The following SYNDIG1 variants were observed in gnomAD, a reference collection of about 807,000 sequenced individuals.
The protein encoded by SYNDIG1 is synapse differentiation-inducing gene protein 1.
SYNDIG1 carries 9 observed loss-of-function variants against 19.4 expected under a neutral mutation model. The observed-to-expected ratio is 0.46, with a 90% CI of 0.28 to 0.81. The LOEUF is 0.81. SYNDIG1 is among the 30% of genes least tolerant of loss of function. The pLI is 0.12. For synonymous variants in SYNDIG1, 141 were observed against 145.9 expected (o/e 0.97, Z 0.24); for missense variants, 311 against 343.3 (o/e 0.91, Z 0.74).
chr20:24,604,583 A>C (rs1468380138), intron 3 of SYNDIG1, among the ~76,000 whole-genome samples: 4 of 152,178 alleles, frequency 2.6e-5, no homozygotes, highest in African/African-American at 9.7e-5. Flanking sequence ...CAAAAAGGGG[A>C]GGGACCCTCA....
At chr20:24,545,542 G>C (rs1344193679) in intron 2 of SYNDIG1, among the ~76,000 whole-genome samples, 1 of 152,142 alleles carries the variant, frequency 6.6e-6, no homozygotes, top group Non-Finnish European at 1.5e-5. Flanking sequence ...AGGGTCTGGG[G>C]CCCTGAGCTC....
chr20:24,470,380 A>G (rs1239022671), intron 1 of SYNDIG1, among the ~76,000 whole-genome samples: 1 of 151,770 alleles, frequency 6.6e-6, no homozygotes, highest in African/African-American at 2.4e-5. Context: ...GGAAGCAGAG[A>G]CTCCTGGAGC....
intron 1 of SYNDIG1, among the ~76,000 whole-genome samples, chr20:24,489,533 G>C (rs1480694152): frequency 6.6e-6 from 1 of 151,826 alleles, no homozygotes; most frequent in Non-Finnish European, 1.5e-5. Flanking sequence ...ACGTACACAT[G>C]CATGCACACA....
At chr20:24,647,130 A>G (rs1216860140) in intron 3 of SYNDIG1, among the ~76,000 whole-genome samples, 1 of 152,212 alleles carries the variant, frequency 6.6e-6, no homozygotes, top group African/African-American at 2.4e-5. Context: ...AAACAAGCAC[A>G]TTCTTGTTAG....
At chr20:24,660,459 G>A (rs1178633324) in intron 3 of SYNDIG1, among the ~76,000 whole-genome samples, 1 of 152,134 alleles carries the variant, frequency 6.6e-6, no homozygotes, top group African/African-American at 2.4e-5. Flanking sequence ...TCTAAGCATG[G>A]GTTGGGCATG....
At position 24,665,748 on chromosome 20, in the gene SYNDIG1, C is replaced by T. The variant is rs1424914342; in HGVS notation, c.*244C>T. On this transcript the variant is annotated 3_prime_UTR_variant, in exon 4 of 4. Transcript: ENST00000376862. ...AAGGAAAGCTCCAAAGATCCCAGCCCGCAAGGCTGTCTCTGGATGGATTCT... is the reference window on the plus strand; with the variant it reads ...AAGGAAAGCTCCAAAGATCCCAGCCTGCAAGGCTGTCTCTGGATGGATTCT... The T allele has an allele frequency of 1.6e-5, 8 of 515,050 alleles. No homozygotes were observed. Among genetic ancestry groups the T allele is most frequent in the African/African-American group, 8.1e-5 (4 of 49,568 alleles). The allele number at this position is 515,050 out of a possible 1,614,324, so 31.9% of individuals were successfully genotyped here. A position where few individuals can be genotyped will look rare whatever the true frequency, so the allele number is the denominator to read the frequency against.
At chr20:24,664,631 T>G (rs2059631628) in intron 3 of SYNDIG1, among the ~76,000 whole-genome samples, 1 of 152,180 alleles carries the variant, frequency 6.6e-6, no homozygotes, top group Non-Finnish European at 1.5e-5. Flanking sequence ...TGAATTTGAT[T>G]ACACCAACAC....
chr20:24,470,211 C>T (rs1366324254), intron 1 of SYNDIG1, among the ~76,000 whole-genome samples: 1 of 152,172 alleles, frequency 6.6e-6, no homozygotes, highest in African/African-American at 2.4e-5. Context: ...TCGGAGTGAC[C>T]CGAAGGAGAC....
intron 1 of SYNDIG1, among the ~76,000 whole-genome samples, chr20:24,505,261 C>G (rs1020943907): frequency 6.6e-6 from 1 of 152,120 alleles, no homozygotes. Context: ...GGAAAACCAG[C>G]CAAGGGTGCG....
chr20:24,654,369 T>C (rs753480198), intron 3 of SYNDIG1, among the ~76,000 whole-genome samples: 6 of 152,030 alleles, frequency 3.9e-5, no homozygotes. Flanking sequence ...AGTTAATATT[T>C]TCAGAGAGAT....
At chr20:24,505,087 G>A (rs1037330982) in intron 1 of SYNDIG1, among the ~76,000 whole-genome samples, 24 of 152,188 alleles carry the variant, frequency 1.6e-4, no homozygotes, top group Admixed American at 5.2e-4. Flanking sequence ...GTTCACAGAC[G>A]TGGTGGGTGA....
chr20:24,548,727 C>G (rs1312653827), intron 2 of SYNDIG1, among the ~76,000 whole-genome samples: 4 of 152,192 alleles, frequency 2.6e-5, no homozygotes, highest in African/African-American at 9.7e-5. Flanking sequence ...CCTCATAGCA[C>G]TGGCCAGAAC....
At chr20:24,614,589 G>A (rs1361773646) in intron 3 of SYNDIG1, among the ~76,000 whole-genome samples, 1 of 124,822 alleles carries the variant, frequency 8.0e-6, no homozygotes, top group African/African-American at 3.0e-5. Context: ...TAGAAACTGA[G>A]ACTAGGAAAA....
intron 2 of SYNDIG1, among the ~76,000 whole-genome samples, chr20:24,551,015 T>A (rs1219873905): frequency 1.3e-5 from 2 of 152,220 alleles, no homozygotes; most frequent in East Asian, 3.8e-4. Context: ...AAGGTAATAT[T>A]GGCTGCATAG....
At chr20:24,655,985 G>A (rs543698585) in intron 3 of SYNDIG1, among the ~76,000 whole-genome samples, 11 of 152,374 alleles carry the variant, frequency 7.2e-5, no homozygotes, top group Non-Finnish European at 1.3e-4. Context: ...ACCATCGTGC[G>A]TGTACTATGG....
intron 1 of SYNDIG1, among the ~76,000 whole-genome samples, chr20:24,504,194 G>T (rs532359106): frequency 1.3e-5 from 2 of 152,078 alleles, no homozygotes; most frequent in Non-Finnish European, 2.9e-5. Flanking sequence ...TCCTGACCTC[G>T]TGATCCGCCC....
intron 1 of SYNDIG1, among the ~76,000 whole-genome samples, chr20:24,474,797 G>A (rs2055569411): frequency 6.6e-6 from 1 of 152,156 alleles, no homozygotes; most frequent in Non-Finnish European, 1.5e-5. Context: ...TCTATCACTT[G>A]GCCTCACTGG....
chr20:24,494,981 A>G (rs918545842), intron 1 of SYNDIG1, among the ~76,000 whole-genome samples: 1 of 152,224 alleles, frequency 6.6e-6, no homozygotes, highest in Non-Finnish European at 1.5e-5. Flanking sequence ...CATTCAATCT[A>G]TAACCATGCC....
rs548362961 is a variant in SYNDIG1, at chr20:24,492,156, G to A, written c.-79+22403G>A. Among the ~76,000 whole-genome samples, 5 of 133,110 alleles carry A rather than the reference G, an allele frequency of 3.8e-5. No homozygotes were observed. The East Asian group carries it at 9.9e-4, about 26-fold the overall frequency. 87.3% of individuals were successfully genotyped at this position (133,110 alleles called of 152,430 possible). On this transcript the variant is annotated intron_variant, in intron 1 of 3. Coordinates refer to ENST00000376862, the MANE Select transcript of SYNDIG1 (RefSeq NM_024893.3). ...ACAGTGAAACTCCAGGCACCGCAGG[G>A]ACGCTGGGGAGAGCCTTCTCTCCAC...
Sources: allele counts gnomAD v4.1 joint callset (sites outside exome capture counted in the v4.1 genomes callset), GRCh38; gene constraint gnomAD v4.1.1; transcripts MANE v1.5; gene names NCBI Gene and HGNC (gene_info 2026-07-23, HGNC 2026-07-21).